The following PKD1L1 variants were observed in gnomAD, a reference collection of about 807,000 sequenced individuals.
PKD1L1 encodes the protein polycystin-1-like protein 1.
Under a neutral mutation model 323.4 loss-of-function variants are expected in PKD1L1, and 236 were observed. The observed-to-expected ratio is 0.73, with a 90% CI of 0.66 to 0.81. The LOEUF (loss-of-function observed/expected upper bound fraction) is 0.81. Among genes scored for constraint, PKD1L1 ranks in the 40% least tolerant of loss-of-function variants. The pLI, the probability that PKD1L1 is intolerant of heterozygous loss-of-function variation, is 0.00. For missense variants in PKD1L1, 3,320 were observed against 3,508.0 expected (o/e 0.95, Z 1.35); for synonymous variants, 1,344 against 1,335.0 (o/e 1.01, Z -0.15).
intron 46 of PKD1L1, among the ~76,000 whole-genome samples, chr7:47,817,867 C>T (rs1785053885): frequency 6.6e-6 from 1 of 151,730 alleles, no homozygotes; most frequent in Non-Finnish European, 1.5e-5. Flanking sequence ...AAGGCTCTGT[C>T]TCAAAAAAAA....
chr7:47,935,063 C>T (rs2128756766), intron 4 of PKD1L1, among the ~76,000 whole-genome samples: 1 of 152,334 alleles, frequency 6.6e-6, no homozygotes, highest in Non-Finnish European at 1.5e-5. Context: ...ATTGCCAGGC[C>T]TCAGCAGAGA....
chr7:47,857,979 G>A, intron 27 of PKD1L1, 147 bp from the exon 28 acceptor site: 1 of 681,746 alleles, frequency 1.5e-6, no homozygotes, highest in African/African-American at 1.8e-5. Context: ...AGGTCTTAGG[G>A]CTCAGCGCTG....
At chr7:47,930,896 A>G (rs1479784675) in intron 6 of PKD1L1, among the ~76,000 whole-genome samples, 2 of 152,238 alleles carry the variant, frequency 1.3e-5, no homozygotes. Context: ...GATGGGAAAC[A>G]TAAAGGCAAC....
In PKD1L1 at chr7:47,775,014, G is replaced by GA; in HGVS notation, c.*128dup. ...TCCCATTTACTTGTTACGTGAACTGGAAAAATTAACAAAACTTCTTCGTAC... is the reference window on the plus strand; with the variant it reads ...TCCCATTTACTTGTTACGTGAACTGGAAAAAATTAACAAAACTTCTTCGTAC... On this transcript the variant is annotated 3_prime_UTR_variant, in exon 57 of 57. Coordinates refer to ENST00000289672, the MANE Select transcript of PKD1L1 (RefSeq NM_138295.5). 1 of 995,604 alleles carries GA rather than the reference G, an allele frequency of 1.0e-6. No homozygotes were observed. The highest frequency in any genetic ancestry group is 2.5e-5 in the East Asian group (1 of 40,594). The allele number at this position is 995,604 out of a possible 1,614,324, so 61.7% of individuals were successfully genotyped here.
At chr7:47,889,910 AC>A (rs1786772226) in intron 16 of PKD1L1, among the ~76,000 whole-genome samples, 2 of 151,518 alleles carry the variant, frequency 1.3e-5, no homozygotes, top group African/African-American at 4.9e-5. Flanking sequence ...TAATGACCCA[AC>A]CCCCTTAGAG....
At position 47,897,638 on chromosome 7, in the gene PKD1L1, C is replaced by T. The variant is rs939791884; in HGVS notation, c.2271+350G>A. 2.0e-5 allele frequency among the ~76,000 whole-genome samples: 3 copies of T among 152,198 alleles called. No homozygotes were observed. The East Asian group carries it at 5.8e-4, about 29-fold the overall frequency. On this transcript the variant is annotated intron_variant, in intron 14 of 56. Coordinates refer to ENST00000289672, the MANE Select transcript of PKD1L1 (RefSeq NM_138295.5). ...CTTGGATGCCCTGCCCTCTGACTGT[C>T]GTCTCCTTTCCTTTCTGGGTGATTG...
chr7:47,839,775 G>A lies in PKD1L1; in HGVS notation c.5553-113C>T. 9.5e-7 allele frequency: 1 copy of A among 1,053,730 alleles called. No homozygotes were observed. The highest frequency in any genetic ancestry group is 1.4e-6 in the Non-Finnish European group (1 of 721,536). The allele number at this position is 1,053,730 out of a possible 1,614,324, so 65.3% of individuals were successfully genotyped here. On this transcript the variant is annotated intron_variant, in intron 35 of 56. Coordinates refer to ENST00000289672, the MANE Select transcript of PKD1L1 (RefSeq NM_138295.5). The surrounding 1 kb of genome is among the most constrained non-coding windows in gnomAD (Gnocchi z 4.3). ...CTGATGGCCCACAGAGGGTGGATGG[G>A]ACATGTCAAAGGTGACTGACATGCA...
At chr7:47,857,866 T>C (rs987972079) in intron 27 of PKD1L1, 34 bp from the exon 28 acceptor site, 1 of 1,586,954 alleles carries the variant, frequency 6.3e-7, no homozygotes, top group Non-Finnish European at 8.6e-7. Flanking sequence ...GGGATGTTTA[T>C]AACACAAATG....
chr7:47,813,054 A>G, intron 49 of PKD1L1, 67 bp downstream of exon 49: 1 of 1,563,038 alleles, frequency 6.4e-7, no homozygotes, highest in Non-Finnish European at 8.7e-7. Flanking sequence ...CGCTGCGTCC[A>G]GCAGGCACCA....
chr7:47,828,470 G>A (rs542496909), intron 44 of PKD1L1, among the ~76,000 whole-genome samples: 14 of 152,026 alleles, frequency 9.2e-5, no homozygotes, highest in South Asian at 6.2e-4. Context: ...GCTGCAGGGC[G>A]GGGGGTGCAG....
intron 17 of PKD1L1, 137 bp downstream of exon 17, chr7:47,887,853 G>T: frequency 2.5e-6 from 2 of 813,250 alleles, no homozygotes; most frequent in Non-Finnish European, 3.8e-6. Context: ...AGGGGCTGGG[G>T]AAGCACGACG....
intron 48 of PKD1L1, among the ~76,000 whole-genome samples, chr7:47,813,728 G>T (rs1305244805): frequency 6.6e-6 from 1 of 152,258 alleles, no homozygotes; most frequent in African/African-American, 2.4e-5. Flanking sequence ...CGTCAAGGAA[G>T]AAAGAGGCTT....
chr7:47,951,472 C>G (rs1399321371), upstream of PKD1L1, among the ~76,000 whole-genome samples: 3 of 152,204 alleles, frequency 2.0e-5, no homozygotes, highest in South Asian at 6.2e-4. Flanking sequence ...CTGCCTTACT[C>G]CACAGACTTA....
chr7:47,917,516 T>C (rs572458577), intron 7 of PKD1L1, among the ~76,000 whole-genome samples: 1 of 152,320 alleles, frequency 6.6e-6, no homozygotes, highest in East Asian at 1.9e-4. Flanking sequence ...GATCATTGCC[T>C]AGGCACATTG....
At chr7:47,951,470 C>T (rs977948802), upstream of PKD1L1, among the ~76,000 whole-genome samples, 1 of 152,230 alleles carries the variant, frequency 6.6e-6, no homozygotes, top group Admixed American at 6.5e-5. Flanking sequence ...CCCTGCCTTA[C>T]TCCACAGACT....
chr7:47,824,540 C>T (rs1785206020), intron 45 of PKD1L1, among the ~76,000 whole-genome samples: 1 of 152,136 alleles, frequency 6.6e-6, no homozygotes, highest in South Asian at 2.1e-4. Context: ...TTTATATGGT[C>T]AAATTTTTAA....
At position 47,877,548 on chromosome 7, in the gene PKD1L1, G is replaced by A; in HGVS notation, c.3604C>T (p.Pro1202Ser). The change falls in exon 22 of 57, where the codon CCC becomes TCC. Residue 1202 changes from proline to serine, a missense_variant. Pro to Ser is a moderately conservative substitution (Grantham distance 74, BLOSUM62 -1). Transcript: ENST00000289672. ...GTGTGTGCTTCCAGACCATGGTGGG[G>A]CTGCACCTGACAGGCCATGTCCCGA... ...APRDMACQVQPHHGLEAHTVF... is the reference protein window; with the variant it reads ...APRDMACQVQSHHGLEAHTVF... 6.2e-7 allele frequency: 1 copy of A among 1,614,046 alleles called. No homozygotes were observed. Among genetic ancestry groups the A allele is most frequent in the Middle Eastern group, 1.7e-4 (1 of 6,056 alleles).
chr7:47,839,226 T>C lies in PKD1L1; in HGVS notation c.5769+220A>G, dbSNP rs1294203953. 6.6e-6 allele frequency among the ~76,000 whole-genome samples: 1 copy of C among 152,250 alleles called. No individual in the cohort carries two copies. The highest frequency in any genetic ancestry group is 1.9e-4 in the East Asian group (1 of 5,202). The stretch of plus-strand genomic sequence containing the variant: ...TATTACAATTACAGAGAAGCATTAC[T>C]ACAATAATTAATAATTGTGAAGGGT... On this transcript the variant is annotated intron_variant, in intron 36 of 56. Coordinates refer to ENST00000289672, the MANE Select transcript of PKD1L1 (RefSeq NM_138295.5). The surrounding 1 kb of genome is among the most constrained non-coding windows in gnomAD (Gnocchi z 4.3).
the PKD1L1 span, among the ~76,000 whole-genome samples, chr7:47,955,912 A>G: frequency 6.6e-6 from 1 of 152,194 alleles, no homozygotes; most frequent in Non-Finnish European, 1.5e-5. Flanking sequence ...TGATTCAACA[A>G]TTGTACTTAG....
Sources: gnomAD v4.1 joint callset for allele counts (sites outside exome capture counted in the v4.1 genomes callset) on GRCh38, gnomAD v4.1.1 for gene constraint, Gnocchi (gnomAD v3.1) non-coding constraint, MANE v1.5 for transcripts, NCBI Gene and HGNC (gene_info 2026-07-23, HGNC 2026-07-21) for gene names.